The following RSPH14 variants were observed in gnomAD, a reference collection of about 807,000 sequenced individuals.
RSPH14 encodes radial spoke head 14 homolog, also known as rhabdoid tumor deletion region gene 1.
In RSPH14, 20 loss-of-function variants were observed where a neutral mutation model predicts 26.7. That is an observed-to-expected ratio of 0.75 (90% confidence interval 0.53 to 1.09). RSPH14 has a LOEUF of 1.09. Among genes scored for constraint, RSPH14 ranks in the 50% least tolerant of loss-of-function variants. The pLI is 0.00. For missense variants in RSPH14, 449 were observed against 457.2 expected, an observed-to-expected ratio of 0.98 and a Z score of 0.16; for synonymous variants, 177 against 189.3, an observed-to-expected ratio of 0.93 and a Z score of 0.53.
At chr22:23,115,726 G>A (rs2069812182) in intron 4 of RSPH14, among the ~76,000 whole-genome samples, 1 of 152,246 alleles carries the variant, frequency 6.6e-6, no homozygotes, top group African/African-American at 2.4e-5. Flanking sequence ...GAAGTTGGGG[G>A]CCGGGGCTCA....
the RSPH14 span, chr22:23,150,070 C>T: frequency 3.5e-4 from 558 of 1,608,078 alleles, 1 homozygote; most frequent in Admixed American, 1.1e-3. Flanking sequence ...CAGTGGTACA[C>T]GCCGGAAGCC....
intron 5 of RSPH14, among the ~76,000 whole-genome samples, chr22:23,063,147 G>A (rs1197731513): frequency 2.0e-5 from 3 of 152,172 alleles, no homozygotes; most frequent in Non-Finnish European, 4.4e-5. Flanking sequence ...GCAGACCTAA[G>A]AATGATGGGG....
At chr22:23,083,861 G>A (rs776073729) in intron 4 of RSPH14, among the ~76,000 whole-genome samples, 4 of 152,228 alleles carry the variant, frequency 2.6e-5, no homozygotes, top group Admixed American at 6.5e-5. Context: ...AGTCCACTGG[G>A]GTTCCAGGGA....
chr22:23,076,000 C>G (rs1208633778), intron 4 of RSPH14, among the ~76,000 whole-genome samples: 1 of 152,156 alleles, frequency 6.6e-6, no homozygotes, highest in Non-Finnish European at 1.5e-5. Context: ...CTTAGTAGGT[C>G]TGGGCAGCCC....
intron 4 of RSPH14, among the ~76,000 whole-genome samples, chr22:23,129,220 C>T (rs965445921): frequency 6.6e-5 from 10 of 152,174 alleles, no homozygotes; most frequent in South Asian, 4.1e-4. Flanking sequence ...ATCTCCTGGG[C>T]GTCTGCCACA....
upstream of RSPH14, among the ~76,000 whole-genome samples, chr22:23,144,092 CAAAAAAAAAAAAA>C (rs35499128): frequency 8.3e-5 from 2 of 24,146 alleles, no homozygotes; most frequent in African/African-American, 1.1e-4. Context: ...GACTCCATCT[CAAAAAAAAAAAAA>C]AAAAAAAAAA....
At chr22:23,151,862 G>A in the RSPH14 span, among the ~76,000 whole-genome samples, 6 of 152,194 alleles carry the variant, frequency 3.9e-5, no homozygotes, top group African/African-American at 7.2e-5. Context: ...GCCACAGCCC[G>A]GATGCATAGA....
chr22:23,074,455 C>T (rs755790276), intron 4 of RSPH14, among the ~76,000 whole-genome samples: 1 of 152,078 alleles, frequency 6.6e-6, no homozygotes, highest in Non-Finnish European at 1.5e-5. Flanking sequence ...ACAGAAAAAC[C>T]CATTCTGGAG....
At chr22:23,089,241 G>A (rs935550449) in intron 4 of RSPH14, among the ~76,000 whole-genome samples, 2 of 152,166 alleles carry the variant, frequency 1.3e-5, no homozygotes, top group African/African-American at 4.8e-5. Context: ...TGAGACCTTC[G>A]GTGACCTTGG....
intron 4 of RSPH14, among the ~76,000 whole-genome samples, chr22:23,090,767 C>T (rs2068949123): frequency 6.6e-6 from 1 of 152,216 alleles, no homozygotes; most frequent in African/African-American, 2.4e-5. Flanking sequence ...ACCCTGCCCA[C>T]CTGGAGCTCC....
At chr22:23,159,294 T>C in the RSPH14 span, 8 of 1,532,476 alleles carry the variant, frequency 5.2e-6, no homozygotes, top group African/African-American at 8.2e-5. Flanking sequence ...GGCAGAGCCC[T>C]GCTCTTGGGC....
chr22:23,067,415 C>T (rs1028942186), intron 4 of RSPH14, among the ~76,000 whole-genome samples: 8 of 152,178 alleles, frequency 5.3e-5, no homozygotes, highest in East Asian at 1.9e-4. Flanking sequence ...AGGTTCTGGT[C>T]GCAGCCACAC....
At chr22:23,086,069 A>T (rs2068812325) in intron 4 of RSPH14, among the ~76,000 whole-genome samples, 1 of 152,248 alleles carries the variant, frequency 6.6e-6, no homozygotes, top group Non-Finnish European at 1.5e-5. Flanking sequence ...TATTTAGATT[A>T]CTTCTGTCTA....
intron 4 of RSPH14, chr22:23,123,459 A>C: frequency 6.7e-7 from 1 of 1,493,072 alleles, no homozygotes; most frequent in South Asian, 1.2e-5. Context: ...CCGCCTGCCT[A>C]TGGTGAAACC....
At chr22:23,109,183 A>G (rs1265276609) in intron 4 of RSPH14, among the ~76,000 whole-genome samples, 2 of 152,200 alleles carry the variant, frequency 1.3e-5, no homozygotes, top group Non-Finnish European at 2.9e-5. Flanking sequence ...GCTGTCTCAC[A>G]GCTACCAGGA....
chr22:23,162,817 C>G, the RSPH14 span: 1 of 444,536 alleles, frequency 2.2e-6, no homozygotes, highest in South Asian at 1.6e-5. Flanking sequence ...AAATGTTCAG[C>G]TCAGCGATTG....
At chr22:23,128,978 C>T (rs1376204780) in intron 4 of RSPH14, among the ~76,000 whole-genome samples, 1 of 152,190 alleles carries the variant, frequency 6.6e-6, no homozygotes, top group Non-Finnish European at 1.5e-5. Context: ...TCACTGGGAG[C>T]CAGCTAAGCC....
At chr22:23,162,768 A>T in the RSPH14 span, 3 of 456,208 alleles carry the variant, frequency 6.6e-6, no homozygotes, top group Non-Finnish European at 1.3e-5. Context: ...TCTGATCAGT[A>T]CTGCTCTCCT....
intron 4 of RSPH14, among the ~76,000 whole-genome samples, chr22:23,081,900 C>T (rs371900694): frequency 1.1e-4 from 16 of 148,306 alleles, no homozygotes; most frequent in East Asian, 6.0e-4. Flanking sequence ...CCGAGGCGGG[C>T]GGATCACGAG....
Sources: gnomAD v4.1 joint callset for allele counts (sites outside exome capture counted in the v4.1 genomes callset) on GRCh38, gnomAD v4.1.1 for gene constraint, MANE v1.5 for transcripts, NCBI Gene and HGNC (gene_info 2026-07-23, HGNC 2026-07-21) for gene names.